The following ARHGEF3 variants were observed in gnomAD, a reference collection of about 807,000 sequenced individuals.
ARHGEF3 encodes the protein Rho guanine nucleotide exchange factor 3.
In ARHGEF3, 28 loss-of-function variants were observed where a neutral mutation model predicts 63.2. That is an observed-to-expected ratio of 0.44 (90% CI 0.33 to 0.61). The LOEUF is 0.61. Among genes scored for constraint, ARHGEF3 ranks in the 20% least tolerant of loss-of-function variants. The probability of loss-of-function intolerance (pLI) is 0.03; values close to 1 mark genes in which losing one functional copy is unlikely to be tolerated. For synonymous variants in ARHGEF3, 266 were observed against 254.2 expected, an observed-to-expected ratio of 1.05 and a Z score of -0.44; for missense variants, 533 against 659.3, an observed-to-expected ratio of 0.81 and a Z score of 2.10.
intron 2 of ARHGEF3, among the ~76,000 whole-genome samples, chr3:56,770,639 A>G (rs1192428967): frequency 3.3e-5 from 5 of 152,206 alleles, no homozygotes; most frequent in African/African-American, 1.2e-4. Flanking sequence ...TTCTGCAAAC[A>G]TGGCTGCTAA....
chr3:56,980,475 T>C (rs1701283764), intron 2 of ARHGEF3, among the ~76,000 whole-genome samples: 1 of 152,176 alleles, frequency 6.6e-6, no homozygotes, highest in African/African-American at 2.4e-5. Context: ...GGCTAAAAAC[T>C]GTAAGGCGAC....
intron 4 of ARHGEF3, among the ~76,000 whole-genome samples, chr3:56,807,908 G>A (rs1234620212): frequency 1.3e-5 from 2 of 152,140 alleles, no homozygotes; most frequent in East Asian, 3.9e-4. Flanking sequence ...TGGATCGCCT[G>A]AGGTCAGGAG....
At chr3:56,808,115 C>T (rs1376797657) in intron 4 of ARHGEF3, among the ~76,000 whole-genome samples, 1 of 140,768 alleles carries the variant, frequency 7.1e-6, no homozygotes, top group Non-Finnish European at 1.5e-5. Context: ...CAAAGTTAGA[C>T]TCTGTCTCAA....
intron 3 of ARHGEF3, among the ~76,000 whole-genome samples, chr3:56,909,340 C>T (rs6783715): frequency 5.3e-5 from 8 of 152,146 alleles, no homozygotes; most frequent in African/African-American, 1.9e-4. Context: ...AGAGTTTGTG[C>T]CCAAAACAGT....
At chr3:56,831,217 C>T (rs2038921287) in intron 4 of ARHGEF3, among the ~76,000 whole-genome samples, 1 of 152,216 alleles carries the variant, frequency 6.6e-6, no homozygotes, top group East Asian at 1.9e-4. Context: ...ATAACAGACC[C>T]AAGGCCGTAT....
intron 3 of ARHGEF3, among the ~76,000 whole-genome samples, chr3:56,952,597 G>T (rs1422510387): frequency 6.6e-6 from 1 of 152,172 alleles, no homozygotes; most frequent in Non-Finnish European, 1.5e-5. Context: ...AGATGAGGCT[G>T]AAACTATACC....
intron 4 of ARHGEF3, among the ~76,000 whole-genome samples, chr3:56,837,760 T>C (rs1018887645): frequency 6.6e-6 from 1 of 152,222 alleles, no homozygotes; most frequent in African/African-American, 2.4e-5. Context: ...GTTCTGACTG[T>C]TTGAGTTCAC....
chr3:57,040,541 T>C (rs1262865707), intron 1 of ARHGEF3, among the ~76,000 whole-genome samples: 3 of 143,086 alleles, frequency 2.1e-5, no homozygotes, highest in Admixed American at 6.9e-5. Flanking sequence ...CTATTAGGAG[T>C]TAGGATAGCG....
intron 2 of ARHGEF3, among the ~76,000 whole-genome samples, chr3:57,030,321 A>G (rs1703680740): frequency 6.6e-6 from 1 of 152,194 alleles, no homozygotes; most frequent in African/African-American, 2.4e-5. Context: ...GGTGCTCAAC[A>G]CATACGGAAG....
rs868404216 is a variant in ARHGEF3 at position 56,968,321 on chromosome 3, T to A, written c.63-9432A>T. On this transcript the variant is annotated intron_variant, in intron 2 of 12. Transcript: ENST00000338458. Reference sequence around the variant, plus strand: ...AATATATAATATATATAAAATATATTTTATATATATATAATATATAATATA... The same window carrying A: ...AATATATAATATATATAAAATATATATTATATATATATAATATATAATATA... Among the ~76,000 whole-genome samples, 124 of 50,792 alleles carry A rather than the reference T, an allele frequency of 2.4e-3. 1 individual carries two copies. Among genetic ancestry groups the A allele is most frequent in the African/African-American group, 4.1e-3 (65 of 15,810 alleles). The allele number at this position is 50,792 out of a possible 152,430, so 33.3% of individuals were successfully genotyped here.
At chr3:56,818,320 G>A (rs904544951) in intron 4 of ARHGEF3, among the ~76,000 whole-genome samples, 1 of 152,210 alleles carries the variant, frequency 6.6e-6, no homozygotes, top group Admixed American at 6.5e-5. Context: ...AGTCATGTGG[G>A]AGGTGGCAGG....
intron 4 of ARHGEF3, among the ~76,000 whole-genome samples, chr3:56,849,666 TAA>T (rs35120387): frequency 2.0e-5 from 3 of 150,004 alleles, no homozygotes; most frequent in South Asian, 2.1e-4. Flanking sequence ...CATCTCTGAG[TAA>T]AAAAAAAAAC....
At chr3:57,029,845 T>C (rs1480645811) in intron 2 of ARHGEF3, among the ~76,000 whole-genome samples, 1 of 152,104 alleles carries the variant, frequency 6.6e-6, no homozygotes, top group East Asian at 1.9e-4. Flanking sequence ...GCTCTTGCTC[T>C]CCCTTATGTT....
intron 4 of ARHGEF3, among the ~76,000 whole-genome samples, chr3:56,837,100 A>G (rs1187582617): frequency 6.6e-6 from 1 of 152,208 alleles, no homozygotes; most frequent in Non-Finnish European, 1.5e-5. Flanking sequence ...TTTGATAATC[A>G]AATGGTTTCC....
At chr3:56,754,007 G>T (rs986291801) in intron 3 of ARHGEF3, among the ~76,000 whole-genome samples, 2 of 152,180 alleles carry the variant, frequency 1.3e-5, no homozygotes, top group African/African-American at 4.8e-5. Context: ...TCGACAGAAG[G>T]CGAATCTCAG....
intron 4 of ARHGEF3, among the ~76,000 whole-genome samples, chr3:56,832,514 G>A (rs1220184459): frequency 6.7e-6 from 1 of 149,302 alleles, no homozygotes; most frequent in Non-Finnish European, 1.5e-5. Flanking sequence ...TTCCATCTTT[G>A]GCCACCCCCA....
At chr3:56,745,139 G>T in intron 7 of ARHGEF3, 66 bp downstream of exon 7, 1 of 1,557,060 alleles carries the variant, frequency 6.4e-7, no homozygotes, top group South Asian at 1.2e-5. Flanking sequence ...TTCACCCACT[G>T]ACCCAATCCA....
At chr3:57,052,483 G>A (rs895187946) in intron 1 of ARHGEF3, among the ~76,000 whole-genome samples, 4 of 151,998 alleles carry the variant, frequency 2.6e-5, no homozygotes, top group Non-Finnish European at 5.9e-5. Flanking sequence ...TTTTAGTAGA[G>A]ACAGGGTTTC....
intron 4 of ARHGEF3, among the ~76,000 whole-genome samples, chr3:56,860,248 G>A (rs537733970): frequency 6.6e-6 from 1 of 152,050 alleles, no homozygotes; most frequent in African/African-American, 2.4e-5. Flanking sequence ...TACGATCATG[G>A]CTCACTGCAG....
Sources: allele counts gnomAD v4.1 joint callset (sites outside exome capture counted in the v4.1 genomes callset), GRCh38; gene constraint gnomAD v4.1.1; transcripts MANE v1.5; gene names NCBI Gene and HGNC (gene_info 2026-07-23, HGNC 2026-07-21).